TSHR: variants seen among roughly 807,000 people sequenced by gnomAD.
TSHR encodes thyroid stimulating hormone receptor, also known as thyrotropin receptor.
A neutral mutation model predicts 64.1 loss-of-function variants in TSHR; 51 were observed. The ratio of observed to expected loss-of-function variants is 0.80; its 90% CI spans 0.64 to 1.01. TSHR has a LOEUF of 1.01. Among genes scored for constraint, TSHR ranks in the 50% least tolerant of loss-of-function variants. The pLI, the probability that TSHR is intolerant of heterozygous loss-of-function variation, is 0.00. For missense variants in TSHR, 877 were observed against 942.8 expected (o/e 0.93, Z 0.91); for synonymous variants, 361 against 361.9 (o/e 1.00, Z 0.03).
At chr14:81,112,446 G>A (rs1890265055) in intron 8 of TSHR, among the ~76,000 whole-genome samples, 1 of 151,874 alleles carries the variant, frequency 6.6e-6, no homozygotes, top group Non-Finnish European at 1.5e-5. Flanking sequence ...CTTCTCCTTT[G>A]GTTAAATCAT....
chr14:81,068,176 G>A (rs1302918745), intron 2 of TSHR, 78 bp from the exon 3 acceptor site: 2 of 1,417,530 alleles, frequency 1.4e-6, no homozygotes, highest in African/African-American at 2.8e-5. Context: ...ATAACAAAAA[G>A]TTATGTCAAA....
intron 1 of TSHR, among the ~76,000 whole-genome samples, chr14:80,961,088 G>T (rs1230753692): frequency 1.3e-5 from 2 of 152,364 alleles, no homozygotes; most frequent in Admixed American, 6.5e-5. Flanking sequence ...TCTGAAATAG[G>T]AGACGCAGAA....
chr14:81,075,206 C>T (rs2139931251), intron 3 of TSHR, among the ~76,000 whole-genome samples: 1 of 152,312 alleles, frequency 6.6e-6, no homozygotes, highest in Admixed American at 6.5e-5. Flanking sequence ...TGCTTCTATA[C>T]CTCACTTCTG....
At chr14:81,088,245 A>G (rs946287578) in intron 4 of TSHR, among the ~76,000 whole-genome samples, 1 of 152,208 alleles carries the variant, frequency 6.6e-6, no homozygotes, top group African/African-American at 2.4e-5. Context: ...CTGCTCCAAG[A>G]AACAGGAGGG....
intron 1 of TSHR, among the ~76,000 whole-genome samples, chr14:80,996,085 T>C (rs556166054): frequency 6.6e-6 from 1 of 152,312 alleles, no homozygotes; most frequent in South Asian, 2.1e-4. Flanking sequence ...ATAGAATTTT[T>C]CTACCTCGTG....
chr14:81,032,901 C>T lies in TSHR; in HGVS notation c.171-29247C>T, dbSNP rs749734900. 39 of 353,932 alleles carry T rather than the reference C, an allele frequency of 1.1e-4. No homozygotes were observed. In the East Asian group the frequency reaches 2.2e-3, roughly 20 times the overall value. 21.9% of individuals were successfully genotyped at this position (353,932 alleles called of 1,614,324 possible). A position where few individuals can be genotyped will look rare whatever the true frequency, so the allele number is the denominator to read the frequency against. ...CTCACCTACACTAGAAAGGCCTGGA[C>T]GAAAGAGGAATTCCATGAGCTGAAC... On this transcript the variant is annotated intron_variant, in intron 1 of 9. Transcript: ENST00000298171.
At chr14:81,014,075 A>G (rs1405548506) in intron 1 of TSHR, 1 of 152,208 alleles carries the variant, frequency 6.6e-6, no homozygotes, top group Non-Finnish European at 1.5e-5. Flanking sequence ...CCTCTAAAAT[A>G]TCTTGTTGGT....
chr14:81,041,283 T>C (rs1273336491), intron 1 of TSHR, among the ~76,000 whole-genome samples: 2 of 152,110 alleles, frequency 1.3e-5, no homozygotes, highest in African/African-American at 4.8e-5. Flanking sequence ...TGTTCATCAA[T>C]GATAGAATGG....
At position 81,142,996 on chromosome 14, in the gene TSHR, A is replaced by T. The variant is rs1891762100; in HGVS notation, c.938A>T (p.Lys313Ile). The change falls in exon 10 of 10, where the codon AAA (lysine) becomes ATA (isoleucine). Residue 313 changes from lysine to isoleucine, a missense_variant. By Grantham distance (102) the Lys-to-Ile change is moderately radical. Transcript: ENST00000298171. The stretch of plus-strand genomic sequence containing the variant: ...AGTATGCAGAGCTTGCGCCAGAGAA[A>T]ATCTGTGAATGCCTTGAATAGCCCC... The part of the protein sequence containing the change: ...ESSMQSLRQR[K>I]SVNALNSPLH... The T allele has an allele frequency of 6.2e-7, 1 of 1,614,034 alleles. No individual in the cohort carries two copies. Among genetic ancestry groups the T allele is most frequent in the Non-Finnish European group, 8.5e-7 (1 of 1,180,046 alleles).
chr14:81,019,457 C>CT (rs1166193901), intron 1 of TSHR, among the ~76,000 whole-genome samples: 14,773 of 118,312 alleles, frequency 0.12, 1,031 homozygotes, highest in East Asian at 0.34. Flanking sequence ...ATCATCAATT[C>CT]TTTTTTTTTT....
intron 3 of TSHR, among the ~76,000 whole-genome samples, chr14:81,079,511 C>A (rs1047308806): frequency 6.6e-6 from 1 of 152,130 alleles, no homozygotes; most frequent in Non-Finnish European, 1.5e-5. Flanking sequence ...CCTCCAAAAC[C>A]ACTGCAATGC....
rs540667410 is a variant in TSHR, at chr14:81,145,338, A to G, written c.*985A>G. The G allele has an allele frequency of 5.1e-5, 12 of 233,108 alleles. No homozygotes were observed. The highest frequency in any genetic ancestry group is 1.0e-4 in the Non-Finnish European group (12 of 117,990). The allele number at this position is 233,108 out of a possible 1,614,324, so 14.4% of individuals were successfully genotyped here. A position where few individuals can be genotyped will look rare whatever the true frequency, so the allele number is the denominator to read the frequency against. ...TAAGTAAGTAGAATCTGTTTTTCCT[A>G]TTTTGTAGGGCTGCTGACTCCTAGT... is the stretch of plus-strand genomic sequence containing the variant. On this transcript the variant is annotated 3_prime_UTR_variant, in exon 10 of 10. Transcript: ENST00000298171.
chr14:81,131,888 G>T (rs937117131), intron 8 of TSHR, among the ~76,000 whole-genome samples: 18 of 152,126 alleles, frequency 1.2e-4, no homozygotes, highest in African/African-American at 4.3e-4. Flanking sequence ...TAGAATGTAA[G>T]CATGAGGAGA....
intron 3 of TSHR, among the ~76,000 whole-genome samples, chr14:81,069,867 GAC>G (rs1423755154): frequency 1.3e-5 from 2 of 152,182 alleles, no homozygotes; most frequent in East Asian, 3.8e-4. Context: ...TTGGTTATCA[GAC>G]ACAGACTTTA....
chr14:80,982,613 A>T, intron 1 of TSHR: 1 of 1,092,096 alleles, frequency 9.2e-7, no homozygotes, highest in Non-Finnish European at 1.2e-6. Context: ...AATGGAAAAA[A>T]AAAATAGGCC....
At chr14:80,982,127 G>C in intron 1 of TSHR, 2 of 569,366 alleles carry the variant, frequency 3.5e-6, no homozygotes, top group South Asian at 4.0e-5. Flanking sequence ...CAAAAGACAA[G>C]CCAGGGTCTC....
rs190431818 is a variant in TSHR at position 81,056,766 on chromosome 14, T to C, written c.171-5382T>C. Among the ~76,000 whole-genome samples the C allele has an allele frequency of 1.8e-4, 27 of 152,198 alleles. No homozygotes were observed. In the East Asian group the frequency reaches 5.2e-3, roughly 29 times the overall value. On this transcript the variant is annotated intron_variant, in intron 1 of 9. Coordinates refer to ENST00000298171, the MANE Select transcript of TSHR (RefSeq NM_000369.5). ...ACTCTGTTTGACCCTACATAATAACTCACAAATCCACTTGGATTCTGGCCA... is the reference window on the plus strand; with the variant it reads ...ACTCTGTTTGACCCTACATAATAACCCACAAATCCACTTGGATTCTGGCCA...
At position 81,061,527 on chromosome 14, in the gene TSHR, G is replaced by A. The variant is rs182236380; in HGVS notation, c.171-621G>A. ...ATGGAGCTGGAGGCCATTATCCTCC[G>A]CAAACTAACAGAGGAACAGAAAACA... On this transcript the variant is annotated intron_variant, in intron 1 of 9. Transcript: ENST00000298171. Among the ~76,000 whole-genome samples the A allele has an allele frequency of 8.2e-4, 125 of 152,118 alleles. 1 individual carries two copies. In the East Asian group the frequency reaches 0.016, roughly 20 times the overall value.
intron 3 of TSHR, among the ~76,000 whole-genome samples, chr14:81,086,271 G>A (rs894248175): frequency 1.8e-4 from 28 of 151,790 alleles, no homozygotes; most frequent in African/African-American, 6.6e-4. Flanking sequence ...GACCAGTAAG[G>A]GTATATTATT....
Sources: allele counts gnomAD v4.1 joint callset (sites outside exome capture counted in the v4.1 genomes callset), GRCh38; gene constraint gnomAD v4.1.1; transcripts MANE v1.5; gene names NCBI Gene and HGNC (gene_info 2026-07-23, HGNC 2026-07-21).